GPBP1: variants seen among roughly 807,000 people sequenced by gnomAD.
The protein encoded by GPBP1 is vasculin.
GPBP1 carries 13 observed loss-of-function variants against 56.5 expected under a neutral mutation model. The ratio of observed to expected loss-of-function variants is 0.23; its 90% CI spans 0.15 to 0.37. The LOEUF is 0.37. Ranked by LOEUF, GPBP1 falls within the 10% of genes least tolerant of loss-of-function variation. The pLI, the probability that GPBP1 is intolerant of heterozygous loss-of-function variation, is 1.00. For missense variants in GPBP1, 477 were observed against 572.3 expected (o/e 0.83, Z 1.70); for synonymous variants, 204 against 188.9 (o/e 1.08, Z -0.66).
intron 3 of GPBP1, among the ~76,000 whole-genome samples, chr5:57,229,230 C>CAAAAAAAAAAAAAAAAAAAAAAAAAAAAA (rs543005934): frequency 1.3e-5 from 1 of 77,426 alleles, no homozygotes; most frequent in African/African-American, 5.0e-5. Flanking sequence ...GACTCCATCT[C>CAAAAAAAAAAAAAAAAAAAAAAAAAAAAA]AAAAAAAAAA....
intron 3 of GPBP1, among the ~76,000 whole-genome samples, chr5:57,216,346 A>G (rs982790478): frequency 9.2e-5 from 14 of 152,162 alleles, no homozygotes; most frequent in African/African-American, 3.1e-4. Flanking sequence ...TGGGGAGGGT[A>G]GCTGGTTGTA....
intron 2 of GPBP1, among the ~76,000 whole-genome samples, chr5:57,203,289 TAG>T: frequency 6.6e-6 from 1 of 152,092 alleles, no homozygotes; most frequent in Non-Finnish European, 1.5e-5. Flanking sequence ...ATTTAACAAA[TAG>T]AGTAATTTTT....
intron 6 of GPBP1, among the ~76,000 whole-genome samples, chr5:57,238,558 C>CAAAA (rs911230930): frequency 2.0e-5 from 3 of 149,748 alleles, no homozygotes; most frequent in African/African-American, 7.4e-5. Context: ...AACTCCGTCT[C>CAAAA]AAAAAATAAA....
At chr5:57,198,714 T>TGGC (rs1214079235) in intron 2 of GPBP1, among the ~76,000 whole-genome samples, 1 of 152,122 alleles carries the variant, frequency 6.6e-6, no homozygotes, top group Non-Finnish European at 1.5e-5. Flanking sequence ...CCGAGCATGG[T>TGGC]GGCGCGTGCC....
chr5:57,184,833 A>G (rs1441636079), intron 2 of GPBP1, among the ~76,000 whole-genome samples: 1 of 152,076 alleles, frequency 6.6e-6, no homozygotes, highest in African/African-American at 2.4e-5. Flanking sequence ...GTCCTTTCCT[A>G]TTGGGTATTT....
rs942511624 is a variant in GPBP1 at position 57,175,703 on chromosome 5, G to A, written c.-755G>A. On this transcript the variant is annotated 5_prime_UTR_variant, in exon 2 of 12. Transcript: ENST00000506184. Reference sequence around the variant, plus strand: ...TTATATAACTGGTTACAGTATTTCAGCTGGTGGTAATTTTTGCCTCCCCTT... The same window carrying A: ...TTATATAACTGGTTACAGTATTTCAACTGGTGGTAATTTTTGCCTCCCCTT... 7 of 396,456 alleles carry A rather than the reference G, an allele frequency of 1.8e-5. No individual in the cohort carries two copies. Among genetic ancestry groups the A allele is most frequent in the Non-Finnish European group, 2.7e-5 (6 of 225,328 alleles). The allele number at this position is 396,456 out of a possible 1,614,324, so 24.6% of individuals were successfully genotyped here.
Position 57,264,000 on chromosome 5 carries a change from C to A in GPBP1, c.*1248C>A, listed in dbSNP as rs1196129392. ...CTTGAGGTTTTATGTCAGATCTAAT[C>A]TTAAGTGTTTGTTGTTTTTTAAAAA... is the stretch of plus-strand genomic sequence containing the variant. On this transcript the variant is annotated 3_prime_UTR_variant, in exon 12 of 12. Transcript: ENST00000506184. 6.6e-6 allele frequency: 1 copy of A among 152,084 alleles called. No individual in the cohort carries two copies. The highest frequency in any genetic ancestry group is 1.5e-5 in the Non-Finnish European group (1 of 67,994). 9.4% of individuals were successfully genotyped at this position (152,084 alleles called of 1,614,324 possible). A position where few individuals can be genotyped will look rare whatever the true frequency, so the allele number is the denominator to read the frequency against.
At chr5:57,234,368 G>A (rs1196444244) in intron 5 of GPBP1, among the ~76,000 whole-genome samples, 1 of 152,148 alleles carries the variant, frequency 6.6e-6, no homozygotes, top group Non-Finnish European at 1.5e-5. Context: ...TAATAATCCT[G>A]AATATCACTT....
At chr5:57,191,302 C>G (rs1442558433) in intron 2 of GPBP1, among the ~76,000 whole-genome samples, 1 of 151,918 alleles carries the variant, frequency 6.6e-6, no homozygotes, top group Non-Finnish European at 1.5e-5. Context: ...CCATGTTGGC[C>G]AGGCTGGTCT....
At chr5:57,239,273 TG>T (rs1740696762) in intron 6 of GPBP1, among the ~76,000 whole-genome samples, 1 of 152,244 alleles carries the variant, frequency 6.6e-6, no homozygotes, top group African/African-American at 2.4e-5. Flanking sequence ...ACATTTTATT[TG>T]GTCTGAATTA....
chr5:57,255,507 A>G (rs1741617930), intron 10 of GPBP1, among the ~76,000 whole-genome samples: 1 of 152,268 alleles, frequency 6.6e-6, no homozygotes, highest in Non-Finnish European at 1.5e-5. Flanking sequence ...GCCTGTGTGT[A>G]GAAAGGAGAA....
chr5:57,175,355 T>A, intron 1 of GPBP1, 93 bp from the exon 2 acceptor site: 6 of 391,630 alleles, frequency 1.5e-5, no homozygotes, highest in Non-Finnish European at 2.7e-5. Flanking sequence ...TAGAAGTGAT[T>A]TTCTCTCCAG....
intron 2 of GPBP1, among the ~76,000 whole-genome samples, chr5:57,191,684 C>T (rs914348191): frequency 7.9e-5 from 12 of 151,994 alleles, no homozygotes; most frequent in African/African-American, 2.9e-4. Context: ...GCCTCAGCCT[C>T]CCGAGTAGCT....
intron 2 of GPBP1, among the ~76,000 whole-genome samples, chr5:57,213,776 A>C (rs1296492316): frequency 6.6e-6 from 1 of 152,174 alleles, no homozygotes; most frequent in Non-Finnish European, 1.5e-5. Context: ...AGCTATACTG[A>C]GGTATACTTT....
intron 3 of GPBP1, among the ~76,000 whole-genome samples, chr5:57,228,725 C>T (rs1561355973): frequency 6.6e-6 from 1 of 151,082 alleles, no homozygotes; most frequent in Non-Finnish European, 1.5e-5. Context: ...GGCATCTGCT[C>T]AGTTCTGGGG....
At chr5:57,223,856 T>C (rs1438004573) in intron 3 of GPBP1, among the ~76,000 whole-genome samples, 1 of 151,486 alleles carries the variant, frequency 6.6e-6, no homozygotes, top group Non-Finnish European at 1.5e-5. Flanking sequence ...ATTTTTGAGA[T>C]GGAGTCTCGC....
intron 6 of GPBP1, among the ~76,000 whole-genome samples, chr5:57,244,601 A>G (rs1293127860): frequency 6.6e-6 from 1 of 152,004 alleles, no homozygotes. Flanking sequence ...TTTCTCTCAC[A>G]TTTTATTAAT....
At chr5:57,192,221 T>C (rs1162208563) in intron 2 of GPBP1, among the ~76,000 whole-genome samples, 10 of 152,180 alleles carry the variant, frequency 6.6e-5, no homozygotes, top group Admixed American at 2.0e-4. Context: ...TTACCTGAGC[T>C]GGGTGCCTTA....
Position 57,230,858 on chromosome 5 carries a change from T to G in GPBP1, c.76T>G (p.Phe26Val). Reference protein sequence around the residue: ...PPSSTKSSLNFEKHSENFAWT... With the variant: ...PPSSTKSSLNVEKHSENFAWT... ...TAATTTGTTTCAGTCGTCATTGAAT[T>G]TTGAGAAGCATTCTGAAAACTTTGC... Residue 26 changes from phenylalanine to valine, a missense_variant, in exon 4 of 12, where the codon TTT becomes GTT. By Grantham distance (50) the Phe-to-Val change is conservative. Coordinates refer to ENST00000506184, the MANE Select transcript of GPBP1 (RefSeq NM_022913.4). 6.2e-7 allele frequency: 1 copy of G among 1,605,774 alleles called. No individual in the cohort carries two copies. The highest frequency in any genetic ancestry group is 8.5e-7 in the Non-Finnish European group (1 of 1,176,914).
Sources: allele counts gnomAD v4.1 joint callset (sites outside exome capture counted in the v4.1 genomes callset), GRCh38; gene constraint gnomAD v4.1.1; transcripts MANE v1.5; gene names NCBI Gene and HGNC (gene_info 2026-07-23, HGNC 2026-07-21).